OR14J1: variants seen among roughly 807,000 people sequenced by gnomAD.
OR14J1 encodes the protein olfactory receptor family 14 subfamily J member 1.
For synonymous variants in OR14J1, 140 were observed against 146.7 expected (o/e 0.95, Z 0.33); for missense variants, 378 against 393.4 (o/e 0.96, Z 0.33).
At position 29,307,722 on chromosome 6, in the gene OR14J1, A is replaced by T. The variant is rs9257695; in HGVS notation, c.*67A>T. 0.022 allele frequency: 19,849 copies of T among 910,426 alleles called. 275 individuals are homozygous for T. Among genetic ancestry groups the T allele is most frequent in the East Asian group, 0.051 (2,129 of 41,594 alleles). The allele number at this position is 910,426 out of a possible 1,614,324, so 56.4% of individuals were successfully genotyped here. A position where few individuals can be genotyped will look rare whatever the true frequency, so the allele number is the denominator to read the frequency against. On this transcript the variant is annotated 3_prime_UTR_variant, in exon 2 of 2. Coordinates refer to ENST00000641895, the MANE Select transcript of OR14J1 (RefSeq NM_030946.2). ...TGGAAGAGAGGTGAATCTTATTTCT[A>T]CCCAGAATGCTCTTCCAAGCTGTCT...
intron 1 of OR14J1, among the ~76,000 whole-genome samples, chr6:29,304,478 A>C (rs556878467): frequency 6.6e-6 from 1 of 152,336 alleles, no homozygotes; most frequent in East Asian, 1.9e-4. Context: ...AAAGTATTTA[A>C]TGCAGGTATG....
chr6:29,309,672 A>C lies in OR14J1; in HGVS notation c.*2017A>C, dbSNP rs1235361582. On this transcript the variant is annotated 3_prime_UTR_variant, in exon 2 of 2. Transcript: ENST00000641895. ...TTTTTCATATGTTTGTTGGCCACAT[A>C]AATGTCTTATTTTAAAAAGTGTCTG... 1 of 152,138 alleles carries C rather than the reference A, an allele frequency of 6.6e-6. No homozygotes were observed. Among genetic ancestry groups the C allele is most frequent in the Admixed American group, 6.5e-5 (1 of 15,268 alleles). The allele number at this position is 152,138 out of a possible 1,614,324, so 9.4% of individuals were successfully genotyped here. A position where few individuals can be genotyped will look rare whatever the true frequency, so the allele number is the denominator to read the frequency against.
intron 1 of OR14J1, among the ~76,000 whole-genome samples, chr6:29,305,037 A>T (rs1774985519): frequency 1.3e-5 from 2 of 152,208 alleles, no homozygotes; most frequent in African/African-American, 4.8e-5. Context: ...GCTATATCTT[A>T]TGGAGGACCA....
intron 1 of OR14J1, among the ~76,000 whole-genome samples, chr6:29,302,184 T>C (rs887299305): frequency 4.9e-5 from 7 of 142,028 alleles, no homozygotes; most frequent in Admixed American, 2.1e-4. Context: ...TTTTTCTTTT[T>C]TTTTTTTTTT....
At chr6:29,302,975 C>T (rs529055644) in intron 1 of OR14J1, among the ~76,000 whole-genome samples, 1 of 122,446 alleles carries the variant, frequency 8.2e-6, no homozygotes, top group East Asian at 2.4e-4. Flanking sequence ...TTGTGCCATT[C>T]TTTGAAATAG....
At position 29,308,888 on chromosome 6, in the gene OR14J1, A is replaced by G. The variant is rs1283175843; in HGVS notation, c.*1233A>G. 1.3e-5 allele frequency: 2 copies of G among 149,230 alleles called. No individual in the cohort carries two copies. The highest frequency in any genetic ancestry group is 3.0e-5 in the Non-Finnish European group (2 of 67,160). 9.2% of individuals were successfully genotyped at this position (149,230 alleles called of 1,614,324 possible). On this transcript the variant is annotated 3_prime_UTR_variant, in exon 2 of 2. Coordinates refer to ENST00000641895, the MANE Select transcript of OR14J1 (RefSeq NM_030946.2). ...CCACATGAGATTTTTTCTTTTTTTT[A>G]TATACTTTAAGCTCTGGGGTACATG...
At chr6:29,302,614 A>G (rs971654130) in intron 1 of OR14J1, among the ~76,000 whole-genome samples, 2 of 152,132 alleles carry the variant, frequency 1.3e-5, no homozygotes, top group African/African-American at 4.8e-5. Flanking sequence ...AGACATGGAG[A>G]TTGGCATGGG....
At position 29,303,731 on chromosome 6, in the gene OR14J1, T is replaced by TATCTATCATCTATCGATC. The variant is rs1554297280; in HGVS notation, c.-29+1947_-29+1948insTATCATCTATCGATCATC. Among the ~76,000 whole-genome samples the TATCTATCATCTATCGATC allele has an allele frequency of 2.0e-5, 3 of 146,778 alleles. No homozygotes were observed. The South Asian group carries it at 6.4e-4, about 31-fold the overall frequency. On this transcript the variant is annotated intron_variant, in intron 1 of 1. Coordinates refer to ENST00000641895, the MANE Select transcript of OR14J1 (RefSeq NM_030946.2). The stretch of plus-strand genomic sequence containing the variant: ...CTATCTATCTATCTATCTATCTATC[T>TATCTATCATCTATCGATC]ATCATCTATCTATCTCTAATCTATC...
At chr6:29,305,414 T>G (rs941714252) in intron 1 of OR14J1, among the ~76,000 whole-genome samples, 9 of 152,216 alleles carry the variant, frequency 5.9e-5, no homozygotes, top group Non-Finnish European at 1.2e-4. Context: ...AAATCAATTA[T>G]GTAGATATCC....
intron 1 of OR14J1, 150 bp from the exon 2 acceptor site, chr6:29,306,512 A>G: frequency 1.6e-6 from 1 of 613,332 alleles, no homozygotes; most frequent in South Asian, 2.1e-5. Flanking sequence ...AATAATTGCT[A>G]AAACGTTTTT....
intron 1 of OR14J1, among the ~76,000 whole-genome samples, chr6:29,303,082 AGGACCTGCAACCCAGG>A (rs1774820891): frequency 2.0e-5 from 3 of 149,916 alleles, no homozygotes; most frequent in African/African-American, 7.4e-5. Flanking sequence ...GCAGGATATG[AGGACCTGCAACCCAGG>A]GGACCTGCAA....
chr6:29,306,928 T>C lies in OR14J1; in HGVS notation c.239T>C (p.Ile80Thr), dbSNP rs766948464. 1.9e-6 allele frequency: 3 copies of C among 1,613,088 alleles called. No homozygotes were observed. Among genetic ancestry groups the C allele is most frequent in the Non-Finnish European group, 2.5e-6 (3 of 1,180,028 alleles). ...ATCTCTGTCACAGTCCCCCAGTCCA[T>C]TGCAAATTCACTTATGGGCAACGGT... ...CFISVTVPQS[I>T]ANSLMGNGYI... The change falls in exon 2 of 2, where the codon ATT becomes ACT. Residue 80 changes from isoleucine to threonine, a missense_variant. Transcript: ENST00000641895.
Position 29,307,007 on chromosome 6 carries a change from C to G in OR14J1, c.318C>G (p.Ala106=). Residue 106 remains alanine (A), a synonymous_variant, in exon 2 of 2, where the codon GCC becomes GCG. Coordinates refer to ENST00000641895, the MANE Select transcript of OR14J1 (RefSeq NM_030946.2). ...ILQVFFFIAL[A]SSEVAILTVM... ...AGGTTTTCTTCTTCATAGCTCTGGC[C>G]TCATCAGAAGTGGCCATTCTCACAG... 6.2e-7 allele frequency: 1 copy of G among 1,613,048 alleles called. No individual in the cohort carries two copies. The highest frequency in any genetic ancestry group is 8.5e-7 in the Non-Finnish European group (1 of 1,180,024).
At chr6:29,305,745 T>G (rs1383946336) in intron 1 of OR14J1, among the ~76,000 whole-genome samples, 2 of 151,972 alleles carry the variant, frequency 1.3e-5, no homozygotes, top group Non-Finnish European at 2.9e-5. Context: ...TTTTTTTGTT[T>G]GGTTGGTTAT....
At chr6:29,304,017 C>A (rs1323044803) in intron 1 of OR14J1, among the ~76,000 whole-genome samples, 1 of 152,134 alleles carries the variant, frequency 6.6e-6, no homozygotes, top group Non-Finnish European at 1.5e-5. Flanking sequence ...AGAGCTCTTT[C>A]TCTGCCTTTG....
chr6:29,302,159 A>ATTTTTTTTCTTTTTTTTTCT lies in OR14J1; in HGVS notation c.-29+390_-29+391insCTTTTTTTTTCTTTTTTTTT, dbSNP rs71550136. Among the ~76,000 whole-genome samples the ATTTTTTTTCTTTTTTTTTCT allele has an allele frequency of 7.6e-3, 882 of 115,436 alleles. 16 individuals are homozygous for ATTTTTTTTCTTTTTTTTTCT. Among genetic ancestry groups the ATTTTTTTTCTTTTTTTTTCT allele is most frequent in the African/African-American group, 0.026 (782 of 30,616 alleles). 75.7% of individuals were successfully genotyped at this position (115,436 alleles called of 152,430 possible). On this transcript the variant is annotated intron_variant, in intron 1 of 1. Coordinates refer to ENST00000641895, the MANE Select transcript of OR14J1 (RefSeq NM_030946.2). ...GTATTTGCCAAACAAATGAGGGGAG[A>ATTTTTTTTCTTTTTTTTTCT]TTTTTTTTCTTTTTTTTTTCTTTTT...
chr6:29,305,989 T>C (rs193203181), intron 1 of OR14J1, among the ~76,000 whole-genome samples: 1 of 152,260 alleles, frequency 6.6e-6, no homozygotes, highest in African/African-American at 2.4e-5. Context: ...AATTAAACGT[T>C]CTTTGACGGT....
rs9257694 is a variant in OR14J1, at chr6:29,306,709, T to C, written c.20T>C (p.Met7Thr). The C allele has an allele frequency of 0.49, 786,606 of 1,609,576 alleles. 196,254 individuals carry two copies. The highest frequency in any genetic ancestry group is 0.51 in the Non-Finnish European group (602,744 of 1,177,222). The change falls in exon 2 of 2, where the codon ATG (methionine) becomes ACG (threonine). Residue 7 changes from methionine (M) to threonine (T), a missense_variant. Transcript: ENST00000641895. The part of the protein sequence containing the change: MVNLTS[M>T]SGFLLMGFSD... ...GAGACTATGGTCAATTTGACTTCAA[T>C]GAGTGGATTCCTTCTTATGGGGTTT...
Position 29,307,659 on chromosome 6 carries a change from A to G in OR14J1, c.*4A>G. 1.3e-6 allele frequency: 2 copies of G among 1,513,994 alleles called. No homozygotes were observed. The highest frequency in any genetic ancestry group is 1.8e-5 in the Admixed American group (1 of 54,500). 93.8% of individuals were successfully genotyped at this position (1,513,994 alleles called of 1,614,324 possible). A position where few individuals can be genotyped will look rare whatever the true frequency, so the allele number is the denominator to read the frequency against. Reference sequence around the variant, plus strand: ...AAAAGCCATGTTTAAACTCTGAAGAACCATACAAATGAAAGGCATTGTTAT... The same window carrying G: ...AAAAGCCATGTTTAAACTCTGAAGAGCCATACAAATGAAAGGCATTGTTAT... On this transcript the variant is annotated 3_prime_UTR_variant, in exon 2 of 2. Coordinates refer to ENST00000641895, the MANE Select transcript of OR14J1 (RefSeq NM_030946.2).
Sources: allele counts gnomAD v4.1 joint callset (sites outside exome capture counted in the v4.1 genomes callset), GRCh38; gene constraint gnomAD v4.1.1; transcripts MANE v1.5; gene names NCBI Gene and HGNC (gene_info 2026-07-23, HGNC 2026-07-21).